Variants in NQO1 observed in about 807,000 individuals in gnomAD.
NQO1 encodes NAD(P)H quinone dehydrogenase 1, also known as NAD(P)H dehydrogenase [quinone] 1.
A neutral mutation model predicts 32.1 loss-of-function variants in NQO1; 30 were observed. The ratio of observed to expected loss-of-function variants is 0.94; its 90% CI spans 0.70 to 1.27. NQO1 has a LOEUF of 1.27. NQO1 is among the 50% of genes most tolerant of loss of function. The pLI is 0.00. For synonymous variants in NQO1, 109 were observed against 119.7 expected (o/e 0.91, Z 0.59); for missense variants, 276 against 331.3 (o/e 0.83, Z 1.30).
At chr16:69,711,732 C>T (rs966283255) in intron 5 of NQO1, among the ~76,000 whole-genome samples, 7 of 150,594 alleles carry the variant, frequency 4.6e-5, no homozygotes, top group African/African-American at 1.2e-4. Flanking sequence ...CGGCTCATTG[C>T]GGCTTCCACT....
chr16:69,713,224 A>G (rs950473981), intron 4 of NQO1, 95 bp from the exon 5 acceptor site: 32 of 915,648 alleles, frequency 3.5e-5, no homozygotes, highest in Non-Finnish European at 5.4e-5. Context: ...AGAACACACA[A>G]GTCTGTCCTA....
Position 69,715,074 on chromosome 16 carries a change from G to A in NQO1, c.307C>T (p.Pro103Ser). 6.2e-7 allele frequency: 1 copy of A among 1,612,140 alleles called. No individual in the cohort carries two copies. Among genetic ancestry groups the A allele is most frequent in the Non-Finnish European group, 8.5e-7 (1 of 1,178,422 alleles). Residue 103 changes from proline (P) to serine (S), a missense_variant, in exon 4 of 6, where the codon CCC (proline) becomes TCC (serine). By Grantham distance (74) the Pro-to-Ser change is moderately conservative (BLOSUM62 -1). Transcript: ENST00000320623. ...EAADLVIFQF[P>S]LQWFGVPAIL... ...GCAGGGACTCCAAACCACTGCAGGG[G>A]GAACTGTGGGACAGAAGACATCATT... is the stretch of plus-strand genomic sequence containing the variant.
chr16:69,725,157 A>G (rs1447831510), intron 1 of NQO1, among the ~76,000 whole-genome samples: 1 of 152,186 alleles, frequency 6.6e-6, no homozygotes, highest in Non-Finnish European at 1.5e-5. Context: ...TGGGCTACCA[A>G]TCCCCAGCTT....
chr16:69,712,742 C>T (rs528308562), intron 5 of NQO1, among the ~76,000 whole-genome samples: 9 of 152,246 alleles, frequency 5.9e-5, no homozygotes, highest in African/African-American at 1.4e-4. Flanking sequence ...CAGTGGCTCA[C>T]GCCTGTAATC....
In NQO1 at chr16:69,709,785, T is replaced by C. The variant is rs1239217411; in HGVS notation, c.*1191A>G. ...TAGAAATTGACTATTATGCCAAAACTGTTCACCAAAGTTGATAAAACTCTA... is the reference window on the plus strand; with the variant it reads ...TAGAAATTGACTATTATGCCAAAACCGTTCACCAAAGTTGATAAAACTCTA... On this transcript the variant is annotated 3_prime_UTR_variant, in exon 6 of 6. Coordinates refer to ENST00000320623, the MANE Select transcript of NQO1 (RefSeq NM_000903.3). 7 of 398,504 alleles carry C rather than the reference T, an allele frequency of 1.8e-5. No homozygotes were observed. Among genetic ancestry groups the C allele is most frequent in the Non-Finnish European group, 2.7e-5 (6 of 226,070 alleles). The allele number at this position is 398,504 out of a possible 1,614,324, so 24.7% of individuals were successfully genotyped here.
chr16:69,718,541 A>C lies in NQO1; in HGVS notation c.8-7T>G. 6.2e-7 allele frequency: 1 copy of C among 1,613,032 alleles called. No individual in the cohort carries two copies. The highest frequency in any genetic ancestry group is 2.2e-5 in the East Asian group (1 of 44,874). On this transcript the variant is annotated splice_polypyrimidine_tract_variant and splice_region_variant and intron_variant, in intron 1 of 5. Transcript: ENST00000320623. ...ACGATCAGTGCTCTTCTGCCTACAG[A>C]GACACACACAAAGCACACACGGAAA...
At chr16:69,712,119 G>A (rs2038049355) in intron 5 of NQO1, among the ~76,000 whole-genome samples, 1 of 152,006 alleles carries the variant, frequency 6.6e-6, no homozygotes, top group Non-Finnish European at 1.5e-5. Context: ...ACAGGGTCTC[G>A]CCCTGTATCC....
chr16:69,720,613 C>T (rs1301929848), intron 1 of NQO1, among the ~76,000 whole-genome samples: 1 of 151,524 alleles, frequency 6.6e-6, no homozygotes, highest in East Asian at 1.9e-4. Flanking sequence ...TCACTGCAAC[C>T]TCCGCCTCTC....
At chr16:69,719,025 A>C in intron 1 of NQO1, among the ~76,000 whole-genome samples, 1 of 85,870 alleles carries the variant, frequency 1.2e-5, no homozygotes, top group Admixed American at 1.5e-4. Context: ...ACAATGGGAG[A>C]CTCCGTCTCA....
At chr16:69,724,016 A>G (rs1157143214) in intron 1 of NQO1, among the ~76,000 whole-genome samples, 4 of 151,954 alleles carry the variant, frequency 2.6e-5, no homozygotes, top group Non-Finnish European at 5.9e-5. Context: ...GAGGTAAGGG[A>G]CAAAGTTCAA....
At chr16:69,720,732 T>C (rs1055897415) in intron 1 of NQO1, among the ~76,000 whole-genome samples, 1 of 152,124 alleles carries the variant, frequency 6.6e-6, no homozygotes, top group Non-Finnish European at 1.5e-5. Flanking sequence ...GCTTCCTTTA[T>C]AAGAAATGGC....
chr16:69,717,507 CGCTAACTGAAGGAAT>C (rs2038130133), intron 3 of NQO1, among the ~76,000 whole-genome samples: 1 of 151,844 alleles, frequency 6.6e-6, no homozygotes, highest in Admixed American at 6.6e-5. Flanking sequence ...CTGAAGGAAT[CGCTAACTGAAGGAAT>C]CGCTAACTGA....
At chr16:69,722,517 A>T (rs541341651) in intron 1 of NQO1, among the ~76,000 whole-genome samples, 63 of 152,322 alleles carry the variant, frequency 4.1e-4, no homozygotes, top group Non-Finnish European at 4.4e-5. Context: ...AATAACTAGA[A>T]AGGCACATTT....
At chr16:69,717,921 A>G in intron 3 of NQO1, 2 of 798,002 alleles carry the variant, frequency 2.5e-6, no homozygotes, top group African/African-American at 3.4e-5. Context: ...TTGCAGTTGC[A>G]TTTACACATG....
Position 69,721,021 on chromosome 16 carries a change from C to T in NQO1, c.8-2487G>A, listed in dbSNP as rs2038181881. On this transcript the variant is annotated intron_variant, in intron 1 of 5. Transcript: ENST00000320623. ...TCAGCCTCCTGAGTAGCTGATACTA[C>T]AGGTGTGCACCACCACACCTAATTT... Among the ~76,000 whole-genome samples, 4 of 151,290 alleles carry T rather than the reference C, an allele frequency of 2.6e-5. No homozygotes were observed. The South Asian group carries it at 8.3e-4, about 32-fold the overall frequency.
intron 3 of NQO1, among the ~76,000 whole-genome samples, chr16:69,715,946 C>T (rs2038106878): frequency 6.6e-6 from 1 of 152,042 alleles, no homozygotes; most frequent in South Asian, 2.1e-4. Context: ...GTGGGAGGAC[C>T]ACTTGAGCCC....
At chr16:69,717,931 G>A (rs2038135398) in intron 3 of NQO1, 192 bp downstream of exon 3, 21 of 861,004 alleles carry the variant, frequency 2.4e-5, no homozygotes, top group Non-Finnish European at 3.5e-5. Context: ...ATTTACACAT[G>A]CAACAGTAAT....
intron 3 of NQO1, among the ~76,000 whole-genome samples, chr16:69,715,488 C>A (rs987401896): frequency 1.3e-5 from 2 of 152,232 alleles, no homozygotes; most frequent in Admixed American, 6.5e-5. Context: ...TGACTGTTGG[C>A]CAGGCGCAGT....
intron 1 of NQO1, among the ~76,000 whole-genome samples, chr16:69,720,441 A>C (rs1326196363): frequency 6.6e-6 from 1 of 151,922 alleles, no homozygotes; most frequent in Admixed American, 6.6e-5. Context: ...AAAAAAGAAA[A>C]TACAAAAAAA....
Sources: allele counts gnomAD v4.1 joint callset (sites outside exome capture counted in the v4.1 genomes callset), GRCh38; gene constraint gnomAD v4.1.1; transcripts MANE v1.5; gene names NCBI Gene and HGNC (gene_info 2026-07-23, HGNC 2026-07-21).